Variants in THSD4 observed in about 807,000 individuals in gnomAD.
THSD4 encodes thrombospondin type-1 domain-containing protein 4.
In THSD4, 69 loss-of-function variants were observed where a neutral mutation model predicts 119.0. The observed-to-expected ratio is 0.58, with a 90% CI of 0.48 to 0.71. THSD4 has a LOEUF of 0.71. THSD4 is among the 30% of genes least tolerant of loss of function. The pLI is 0.00. For missense variants in THSD4, 1,393 were observed against 1,391.1 expected, an observed-to-expected ratio of 1.00 and a Z score of -0.02; for synonymous variants, 524 against 540.4, an observed-to-expected ratio of 0.97 and a Z score of 0.42.
At chr15:71,455,907 G>A (rs1429097217) in intron 7 of THSD4, among the ~76,000 whole-genome samples, 1 of 152,112 alleles carries the variant, frequency 6.6e-6, no homozygotes, top group African/African-American at 2.4e-5. Flanking sequence ...GAGCAACAGA[G>A]GCCATTGATC....
intron 7 of THSD4, among the ~76,000 whole-genome samples, chr15:71,637,334 T>A (rs866353897): frequency 6.6e-6 from 1 of 152,182 alleles, no homozygotes; most frequent in East Asian, 1.9e-4. Context: ...GAAACCATCT[T>A]GGGCTGTATA....
At chr15:71,296,082 G>T (rs1435763515) in intron 6 of THSD4, among the ~76,000 whole-genome samples, 1 of 152,196 alleles carries the variant, frequency 6.6e-6, no homozygotes, top group African/African-American at 2.4e-5. Context: ...ATTTGATCCA[G>T]TTGATGAGTC....
chr15:71,386,448 G>C (rs1320749554), intron 6 of THSD4, among the ~76,000 whole-genome samples: 2 of 152,142 alleles, frequency 1.3e-5, no homozygotes, highest in Admixed American at 6.5e-5. Flanking sequence ...GTTAGGGGAG[G>C]TGCTGCAAAT....
chr15:71,660,290 C>A lies in THSD4; in HGVS notation c.1153-240C>A, dbSNP rs555572757. Among the ~76,000 whole-genome samples the A allele has an allele frequency of 6.0e-4, 91 of 152,262 alleles. 1 individual carries two copies. Among genetic ancestry groups the A allele is most frequent in the East Asian group, 7.7e-4 (4 of 5,180 alleles). On this transcript the variant is annotated intron_variant, in intron 7 of 17. Transcript: ENST00000261862. ...AACCTGTTTAAGTAAATTTCTAGCACCCTACATCTTCCCTAGTCTTTTTCC... is the reference window on the plus strand; with the variant it reads ...AACCTGTTTAAGTAAATTTCTAGCAACCTACATCTTCCCTAGTCTTTTTCC...
intron 7 of THSD4, among the ~76,000 whole-genome samples, chr15:71,452,890 C>T (rs2047285768): frequency 6.6e-6 from 1 of 152,200 alleles, no homozygotes; most frequent in African/African-American, 2.4e-5. Context: ...CCTGGGATTA[C>T]AGGCATGAGC....
chr15:71,246,315 A>T (rs1227048729), intron 5 of THSD4, among the ~76,000 whole-genome samples: 1 of 152,084 alleles, frequency 6.6e-6, no homozygotes. Flanking sequence ...ATGGAGTAAG[A>T]TCTCCCCTAT....
chr15:71,550,695 C>T (rs2048914376), intron 7 of THSD4, among the ~76,000 whole-genome samples: 3 of 152,194 alleles, frequency 2.0e-5, no homozygotes, highest in Admixed American at 6.5e-5. Context: ...CCACCTCAGC[C>T]TCCCAAAGTG....
intron 6 of THSD4, among the ~76,000 whole-genome samples, chr15:71,366,734 A>C (rs989161963): frequency 2.0e-5 from 3 of 152,108 alleles, no homozygotes; most frequent in Non-Finnish European, 4.4e-5. Context: ...ATTTGCTCCG[A>C]TCATCTCCAA....
At chr15:71,172,684 T>TGA (rs1567145270) in intron 3 of THSD4, among the ~76,000 whole-genome samples, 1 of 4,570 alleles carries the variant, frequency 2.2e-4, no homozygotes, top group African/African-American at 7.0e-4. Flanking sequence ...GACCTATACA[T>TGA]ATATATATAT....
At chr15:71,634,228 G>A (rs1269519430) in intron 7 of THSD4, among the ~76,000 whole-genome samples, 1 of 144,180 alleles carries the variant, frequency 6.9e-6, no homozygotes, top group African/African-American at 2.5e-5. Context: ...AATAATCCTA[G>A]TAGCCACCTC....
At chr15:71,298,179 G>A (rs1421057840) in intron 6 of THSD4, among the ~76,000 whole-genome samples, 1 of 152,154 alleles carries the variant, frequency 6.6e-6, no homozygotes, top group Non-Finnish European at 1.5e-5. Context: ...AGTTGTCCCA[G>A]CATGATTTGT....
chr15:71,508,937 A>ATTTTTT lies in THSD4; in HGVS notation c.1152+97123_1152+97128dup, dbSNP rs56074729. ...TGCAAAAAGAAAAATAAAAGGATGGATTTTTTTTTTTTTTCAAAAAAGGAA... is the reference window on the plus strand; with the variant it reads ...TGCAAAAAGAAAAATAAAAGGATGGATTTTTTTTTTTTTTTTTTTTCAAAAAAGGAA... On this transcript the variant is annotated intron_variant, in intron 7 of 17. Coordinates refer to ENST00000261862, the MANE Select transcript of THSD4 (RefSeq NM_024817.3). Among the ~76,000 whole-genome samples, 661 of 144,032 alleles carry ATTTTTT rather than the reference A, an allele frequency of 4.6e-3. 11 individuals are homozygous for ATTTTTT. The highest frequency in any genetic ancestry group is 0.036 in the South Asian group (164 of 4,538). 94.5% of individuals were successfully genotyped at this position (144,032 alleles called of 152,430 possible). A position where few individuals can be genotyped will look rare whatever the true frequency, so the allele number is the denominator to read the frequency against.
At chr15:71,619,333 A>G (rs1282949061) in intron 7 of THSD4, among the ~76,000 whole-genome samples, 1 of 152,186 alleles carries the variant, frequency 6.6e-6, no homozygotes, top group Non-Finnish European at 1.5e-5. Context: ...TTAAAGAGCC[A>G]AACCAGGATT....
chr15:71,138,012 C>T (rs556359657), intron 1 of THSD4, among the ~76,000 whole-genome samples: 2 of 152,194 alleles, frequency 1.3e-5, no homozygotes, highest in Admixed American at 1.3e-4. Flanking sequence ...CAACTGCTCT[C>T]CCCCAAACCT....
Position 71,643,601 on chromosome 15 carries a change from G to A in THSD4, c.1153-16929G>A, listed in dbSNP as rs547662744. On this transcript the variant is annotated intron_variant, in intron 7 of 17. Coordinates refer to ENST00000261862, the MANE Select transcript of THSD4 (RefSeq NM_024817.3). ...CCTGCATTAGTTTGCTAAGGTTGAC[G>A]GCCTCCAGCTTCATCCATGTTCCTG... Among the ~76,000 whole-genome samples, 483 of 152,202 alleles carry A rather than the reference G, an allele frequency of 3.2e-3. 3 individuals carry two copies. Among genetic ancestry groups the A allele is most frequent in the African/African-American group, 0.011 (444 of 41,530 alleles).
chr15:71,574,472 G>A (rs1366357519), intron 7 of THSD4, among the ~76,000 whole-genome samples: 1 of 151,980 alleles, frequency 6.6e-6, no homozygotes, highest in Non-Finnish European at 1.5e-5. Context: ...TAATTAAAAA[G>A]GTACCATCCA....
At chr15:71,501,197 G>A (rs559137588) in intron 7 of THSD4, among the ~76,000 whole-genome samples, 1 of 152,128 alleles carries the variant, frequency 6.6e-6, no homozygotes, top group Non-Finnish European at 1.5e-5. Flanking sequence ...ATCCACCAAA[G>A]CTGTGTGTGT....
intron 14 of THSD4, among the ~76,000 whole-genome samples, chr15:71,754,540 G>A (rs2053505090): frequency 6.6e-6 from 1 of 152,080 alleles, no homozygotes; most frequent in Non-Finnish European, 1.5e-5. Context: ...CAAATTTTAA[G>A]CTAAAGGACT....
chr15:71,489,485 G>A (rs1268318081), intron 7 of THSD4, among the ~76,000 whole-genome samples: 1 of 152,060 alleles, frequency 6.6e-6, no homozygotes, highest in African/African-American at 2.4e-5. Flanking sequence ...CATCTTCTGT[G>A]GGGACTCCTC....
Sources: allele counts gnomAD v4.1 joint callset (sites outside exome capture counted in the v4.1 genomes callset), GRCh38; gene constraint gnomAD v4.1.1; transcripts MANE v1.5; gene names NCBI Gene and HGNC (gene_info 2026-07-23, HGNC 2026-07-21).